The following TAFA2 variants were observed in gnomAD, a reference collection of about 807,000 sequenced individuals.
TAFA2 encodes the protein TAFA chemokine like family member 2, also known as chemokine-like protein TAFA-2.
TAFA2 carries 7 observed loss-of-function variants against 18.8 expected under a neutral mutation model. The observed-to-expected ratio is 0.37, with a 90% CI of 0.21 to 0.70. TAFA2 has a LOEUF of 0.70. Among genes scored for constraint, TAFA2 ranks in the 30% least tolerant of loss-of-function variants. The probability of loss-of-function intolerance (pLI) is 0.53; values close to 1 mark genes in which losing one functional copy is unlikely to be tolerated. For synonymous variants in TAFA2, 60 were observed against 54.2 expected (o/e 1.11, Z -0.47); for missense variants, 122 against 158.1 (o/e 0.77, Z 1.23).
chr12:62,164,751 G>C (rs1388218706), intron 1 of TAFA2, among the ~76,000 whole-genome samples: 1 of 152,110 alleles, frequency 6.6e-6, no homozygotes, highest in Admixed American at 6.6e-5. Flanking sequence ...TAACGCTTCT[G>C]TTAGCTTCCA....
At chr12:62,114,840 C>T (rs1247691612) in intron 1 of TAFA2, among the ~76,000 whole-genome samples, 1 of 152,156 alleles carries the variant, frequency 6.6e-6, no homozygotes, top group East Asian at 1.9e-4. Context: ...TATATTTGTA[C>T]AGGTTGCTTT....
chr12:61,800,912 G>A (rs1215899778), intron 2 of TAFA2, among the ~76,000 whole-genome samples: 1 of 152,028 alleles, frequency 6.6e-6, no homozygotes, highest in Admixed American at 6.5e-5. Flanking sequence ...GGGGCAAAGA[G>A]AAAAAAGATA....
intron 2 of TAFA2, among the ~76,000 whole-genome samples, chr12:61,807,966 G>C (rs558877177): frequency 5.9e-5 from 9 of 151,662 alleles, no homozygotes; most frequent in African/African-American, 2.0e-4. Flanking sequence ...TGAGAACTTG[G>C]ACTATGGATA....
chr12:62,081,157 T>A (rs1003261388), intron 1 of TAFA2, among the ~76,000 whole-genome samples: 1 of 152,158 alleles, frequency 6.6e-6, no homozygotes, highest in East Asian at 1.9e-4. Context: ...ATCGCGCCAC[T>A]GCACTCCAGC....
chr12:62,204,870 G>A (rs1206859352), intron 1 of TAFA2, among the ~76,000 whole-genome samples: 2 of 152,108 alleles, frequency 1.3e-5, no homozygotes, highest in African/African-American at 4.8e-5. Flanking sequence ...TGCCCTTGCT[G>A]GGGAGGTGCT....
At chr12:62,003,139 T>A (rs1248943369) in intron 1 of TAFA2, among the ~76,000 whole-genome samples, 1 of 152,180 alleles carries the variant, frequency 6.6e-6, no homozygotes, top group Non-Finnish European at 1.5e-5. Flanking sequence ...CCCCAGCTTC[T>A]ATCTTTCTCC....
rs1878436139 is a variant in TAFA2, at chr12:61,950,724, A to G, written c.-1-83298T>C. Among the ~76,000 whole-genome samples, 2 of 152,064 alleles carry G rather than the reference A, an allele frequency of 1.3e-5. 1 individual carries two copies. Among genetic ancestry groups the G allele is most frequent in the South Asian group, 4.1e-4 (2 of 4,824 alleles). Reference sequence around the variant, plus strand: ...AAAATAATAACTTTATTGTTTCTGGATGTCTTTCTCATACTAGTTTGGTAG... The same window carrying G: ...AAAATAATAACTTTATTGTTTCTGGGTGTCTTTCTCATACTAGTTTGGTAG... On this transcript the variant is annotated intron_variant, in intron 1 of 4. Coordinates refer to ENST00000416284, the MANE Select transcript of TAFA2 (RefSeq NM_178539.5).
At chr12:61,779,387 C>G (rs1184235850) in intron 2 of TAFA2, among the ~76,000 whole-genome samples, 1 of 151,744 alleles carries the variant, frequency 6.6e-6, no homozygotes, top group Non-Finnish European at 1.5e-5. Context: ...TAAAGTGACC[C>G]TATAATTTAT....
At chr12:62,188,768 C>G (rs1028248279) in intron 1 of TAFA2, among the ~76,000 whole-genome samples, 1 of 151,948 alleles carries the variant, frequency 6.6e-6, no homozygotes, top group Admixed American at 6.6e-5. Context: ...ATTTTTCTAC[C>G]ACCCTCTAAA....
At chr12:61,825,643 A>T (rs1162883171) in intron 2 of TAFA2, among the ~76,000 whole-genome samples, 2 of 152,120 alleles carry the variant, frequency 1.3e-5, no homozygotes, top group African/African-American at 4.8e-5. Flanking sequence ...TGACAACCTA[A>T]GAAAAATTAA....
At chr12:61,800,529 T>C (rs187941832) in intron 2 of TAFA2, among the ~76,000 whole-genome samples, 4 of 152,150 alleles carry the variant, frequency 2.6e-5, no homozygotes, top group Admixed American at 2.0e-4. Flanking sequence ...ACTCAGGAAA[T>C]TGGCCTATGA....
chr12:62,112,390 C>A (rs1000121151), intron 1 of TAFA2, among the ~76,000 whole-genome samples: 2 of 152,092 alleles, frequency 1.3e-5, no homozygotes, highest in African/African-American at 4.8e-5. Flanking sequence ...TTGTGGGTAA[C>A]CCGACCTTTC....
intron 2 of TAFA2, among the ~76,000 whole-genome samples, chr12:61,756,880 ACAAGGT>A (rs1869299279): frequency 6.6e-6 from 1 of 152,064 alleles, no homozygotes; most frequent in Admixed American, 6.6e-5. Flanking sequence ...GCAGCAAATA[ACAAGGT>A]CATGAAGTAG....
At chr12:61,795,202 C>A (rs559185923) in intron 2 of TAFA2, among the ~76,000 whole-genome samples, 136 of 152,252 alleles carry the variant, frequency 8.9e-4, no homozygotes, top group Non-Finnish European at 1.6e-3. Context: ...ACTAGAAATA[C>A]CATTTGACCC....
In TAFA2 at chr12:62,100,401, G is replaced by A. The variant is rs555230264; in HGVS notation, c.-2+90858C>T. Among the ~76,000 whole-genome samples the A allele has an allele frequency of 5.3e-5, 8 of 152,208 alleles. No individual in the cohort carries two copies. The South Asian group carries it at 1.7e-3, about 32-fold the overall frequency. On this transcript the variant is annotated intron_variant, in intron 1 of 4. Coordinates refer to ENST00000416284, the MANE Select transcript of TAFA2 (RefSeq NM_178539.5). Reference sequence around the variant, plus strand: ...ACTGAAATTTCAGAAATGAAGGCTGGAGATAGAAAATTGCTTCCAAATACA... The same window carrying A: ...ACTGAAATTTCAGAAATGAAGGCTGAAGATAGAAAATTGCTTCCAAATACA...
chr12:61,908,177 G>A (rs555172106), intron 1 of TAFA2, among the ~76,000 whole-genome samples: 3 of 152,232 alleles, frequency 2.0e-5, no homozygotes, highest in African/African-American at 7.2e-5. Context: ...AGGGGCCAGG[G>A]TGAAATGATA....
intron 2 of TAFA2, among the ~76,000 whole-genome samples, chr12:61,812,622 C>T (rs960978337): frequency 1.2e-4 from 18 of 148,196 alleles, no homozygotes; most frequent in Non-Finnish European, 2.4e-4. Context: ...CAGGCTGGAG[C>T]GCAGTGGCAC....
intron 1 of TAFA2, among the ~76,000 whole-genome samples, chr12:62,172,386 G>C (rs1479550435): frequency 1.3e-5 from 2 of 152,160 alleles, no homozygotes; most frequent in African/African-American, 4.8e-5. Context: ...TGTCTTCGAT[G>C]TAAATTGAAG....
At chr12:62,228,069 GTACA>G (rs1179564258) in intron 1 of TAFA2, among the ~76,000 whole-genome samples, 2 of 152,096 alleles carry the variant, frequency 1.3e-5, no homozygotes, top group East Asian at 3.9e-4. Context: ...ATACACGTGT[GTACA>G]TACACACACA....
Sources: gnomAD v4.1 joint callset for allele counts (sites outside exome capture counted in the v4.1 genomes callset) on GRCh38, gnomAD v4.1.1 for gene constraint, MANE v1.5 for transcripts, NCBI Gene and HGNC (gene_info 2026-07-23, HGNC 2026-07-21) for gene names.